Variants in LRMDA observed in about 807,000 individuals in gnomAD.
LRMDA encodes leucine rich melanocyte differentiation associated.
Under a neutral mutation model 29.8 loss-of-function variants are expected in LRMDA, and 18 were observed. That is an observed-to-expected ratio of 0.60 (90% CI 0.42 to 0.90). The LOEUF is 0.90. Ranked by LOEUF, LRMDA falls within the 40% of genes least tolerant of loss-of-function variation. The pLI is 0.00. For missense variants in LRMDA, 273 were observed against 273.9 expected (o/e 1.00, Z 0.02); for synonymous variants, 125 against 109.4 (o/e 1.14, Z -0.89).
At chr10:75,994,776 G>A (rs1055756336) in intron 2 of LRMDA, among the ~76,000 whole-genome samples, 5 of 152,076 alleles carry the variant, frequency 3.3e-5, no homozygotes, top group African/African-American at 9.7e-5. Flanking sequence ...CTTTCACACC[G>A]AAAAAATATG....
intron 2 of LRMDA, among the ~76,000 whole-genome samples, chr10:76,011,428 T>C (rs1056612659): frequency 3.9e-5 from 6 of 152,094 alleles, no homozygotes; most frequent in African/African-American, 1.4e-4. Flanking sequence ...CTCCCGTACC[T>C]CTGGATGCTC....
chr10:75,905,611 C>T (rs941914998), intron 2 of LRMDA, among the ~76,000 whole-genome samples: 3 of 152,016 alleles, frequency 2.0e-5, no homozygotes, highest in Non-Finnish European at 2.9e-5. Flanking sequence ...CTGCCTCCCA[C>T]CCCCAGCCTT....
chr10:76,359,500 G>C (rs1012115801), intron 6 of LRMDA, among the ~76,000 whole-genome samples: 1 of 152,152 alleles, frequency 6.6e-6, no homozygotes, highest in African/African-American at 2.4e-5. Flanking sequence ...TCTGTATCTT[G>C]AATCTCTCTC....
chr10:76,524,017 C>T (rs747096164), intron 6 of LRMDA, among the ~76,000 whole-genome samples: 6 of 152,160 alleles, frequency 3.9e-5, no homozygotes, highest in East Asian at 1.9e-4. Flanking sequence ...TTAATCTTCC[C>T]GCTGTCCCTG....
At chr10:76,229,151 G>T (rs1852013659) in intron 5 of LRMDA, among the ~76,000 whole-genome samples, 1 of 152,226 alleles carries the variant, frequency 6.6e-6, no homozygotes, top group African/African-American at 2.4e-5. Context: ...TACCAAGTAT[G>T]TCTTTGTTGG....
At chr10:75,481,119 A>C (rs1027126732) in intron 2 of LRMDA, among the ~76,000 whole-genome samples, 4 of 152,138 alleles carry the variant, frequency 2.6e-5, no homozygotes, top group Non-Finnish European at 5.9e-5. Context: ...CAGTAGATAT[A>C]TAGCTCTAGG....
rs551714306 is a variant in LRMDA, at chr10:76,549,282, C to T, written c.602-7927C>T. ...CAGCCTTGCCTGCTGATCACCTTCA[C>T]GACAAATTTTGCCAGTATCCCTTCC... On this transcript the variant is annotated intron_variant, in intron 6 of 6. Transcript: ENST00000611255. Among the ~76,000 whole-genome samples, 17 of 152,262 alleles carry T rather than the reference C, an allele frequency of 1.1e-4. No homozygotes were observed. The East Asian group carries it at 2.3e-3, about 21-fold the overall frequency.
chr10:75,573,974 T>A (rs1264026316), intron 2 of LRMDA, among the ~76,000 whole-genome samples: 1 of 150,488 alleles, frequency 6.6e-6, no homozygotes, highest in African/African-American at 2.4e-5. Context: ...TTTTTGTTTC[T>A]TGCAGAAGGC....
intron 5 of LRMDA, among the ~76,000 whole-genome samples, chr10:76,237,410 C>T (rs1046820278): frequency 1.3e-5 from 2 of 151,942 alleles, no homozygotes; most frequent in East Asian, 3.9e-4. Flanking sequence ...GGAACTGAGG[C>T]CCAGAGAAGG....
intron 2 of LRMDA, among the ~76,000 whole-genome samples, chr10:75,513,981 A>T (rs960944965): frequency 2.0e-5 from 3 of 152,166 alleles, no homozygotes; most frequent in African/African-American, 7.2e-5. Flanking sequence ...AAACATGGAC[A>T]TATTTCTCCT....
At chr10:75,578,215 C>CAAAAAAAAAAAAAGAAAAAA (rs1840533710) in intron 2 of LRMDA, among the ~76,000 whole-genome samples, 1 of 14,226 alleles carries the variant, frequency 7.0e-5, no homozygotes, top group Non-Finnish European at 1.7e-4. Context: ...AAATGGAAAG[C>CAAAAAAAAAAAAAGAAAAAA]AAAAAAAAAA....
intron 6 of LRMDA, among the ~76,000 whole-genome samples, chr10:76,424,979 C>T (rs956889467): frequency 1.3e-5 from 2 of 152,158 alleles, no homozygotes; most frequent in African/African-American, 2.4e-5. Flanking sequence ...CACTTTTCTC[C>T]CCATTAGCAT....
chr10:75,876,333 T>A (rs564613886), intron 2 of LRMDA, among the ~76,000 whole-genome samples: 3 of 151,782 alleles, frequency 2.0e-5, no homozygotes, highest in African/African-American at 7.3e-5. Context: ...CTTGAGGGAG[T>A]GATTTAGAAC....
intron 5 of LRMDA, among the ~76,000 whole-genome samples, chr10:76,087,287 GC>G (rs1174454565): frequency 6.6e-6 from 1 of 152,164 alleles, no homozygotes; most frequent in Non-Finnish European, 1.5e-5. Flanking sequence ...GAATTGTAGG[GC>G]CAAGGCTTTT....
chr10:76,135,057 G>A (rs886092475), intron 5 of LRMDA, among the ~76,000 whole-genome samples: 6 of 152,188 alleles, frequency 3.9e-5, no homozygotes, highest in African/African-American at 9.6e-5. Context: ...TTTTACCTAT[G>A]CTCAAGAATT....
intron 2 of LRMDA, among the ~76,000 whole-genome samples, chr10:75,856,102 C>G (rs905920780): frequency 2.0e-5 from 3 of 152,044 alleles, no homozygotes; most frequent in African/African-American, 7.2e-5. Flanking sequence ...TTCTGTGAAG[C>G]AAGTCATTGG....
chr10:75,867,485 C>T (rs1224103095), intron 2 of LRMDA, among the ~76,000 whole-genome samples: 2 of 152,082 alleles, frequency 1.3e-5, no homozygotes, highest in Non-Finnish European at 2.9e-5. Context: ...ACAGCTAACA[C>T]CAGAGCGTCT....
At chr10:75,881,533 G>A (rs1259527284) in intron 2 of LRMDA, among the ~76,000 whole-genome samples, 1 of 152,072 alleles carries the variant, frequency 6.6e-6, no homozygotes, top group East Asian at 1.9e-4. Context: ...AAAATTGAAA[G>A]TACCTCTGAT....
chr10:76,257,304 A>G (rs970128001), intron 5 of LRMDA, among the ~76,000 whole-genome samples: 44 of 151,664 alleles, frequency 2.9e-4, no homozygotes, highest in African/African-American at 1.1e-3. Flanking sequence ...GGTATCAAAT[A>G]TGCTAGCTAT....
Sources: gnomAD v4.1 joint callset for allele counts (sites outside exome capture counted in the v4.1 genomes callset) on GRCh38, gnomAD v4.1.1 for gene constraint, MANE v1.5 for transcripts, NCBI Gene and HGNC (gene_info 2026-07-23, HGNC 2026-07-21) for gene names.